The following LRRN3 variants were observed in gnomAD, a reference collection of about 807,000 sequenced individuals.
LRRN3 encodes the protein leucine-rich repeat neuronal protein 3.
Under a neutral mutation model 40.1 loss-of-function variants are expected in LRRN3, and 15 were observed. That is an observed-to-expected ratio of 0.37 (90% CI 0.25 to 0.58). LRRN3 has a LOEUF of 0.58. LRRN3 is among the 20% of genes least tolerant of loss of function. The pLI is 0.72. For synonymous variants in LRRN3, 308 were observed against 297.2 expected (o/e 1.04, Z -0.37); for missense variants, 746 against 837.7 (o/e 0.89, Z 1.35).
chr7:111,109,343 G>A (rs1018229240), intron 2 of LRRN3, among the ~76,000 whole-genome samples: 3 of 151,498 alleles, frequency 2.0e-5, no homozygotes, highest in African/African-American at 7.3e-5. Context: ...TCATGCTTAC[G>A]AACTACAAAA....
intron 1 of LRRN3, among the ~76,000 whole-genome samples, chr7:111,097,718 A>G (rs214890): frequency 0.84 from 128,297 of 151,834 alleles, 54,649 homozygotes; most frequent in East Asian, 0.89. Context: ...TGGGGTCTAA[A>G]TTTAATTCTA....
chr7:111,095,672 G>C (rs766100699), intron 1 of LRRN3, among the ~76,000 whole-genome samples: 27 of 151,950 alleles, frequency 1.8e-4, no homozygotes, highest in Non-Finnish European at 3.2e-4. Flanking sequence ...CACCTACAGA[G>C]ACTCAGCTAT....
chr7:111,124,047 T>C lies in LRRN3; in HGVS notation c.1275T>C (p.Pro425=). The C allele has an allele frequency of 6.2e-7, 1 of 1,614,030 alleles. No homozygotes were observed. Residue 425 remains proline, a synonymous_variant, in exon 3 of 3, where the codon CCT becomes CCC. Coordinates refer to ENST00000308478, the MANE Select transcript of LRRN3 (RefSeq NM_001099658.2). The stretch of plus-strand genomic sequence containing the variant: ...AAATTTGTCTCCCTCTTATAGCTCC[T>C]GAGAGCTTTCCTTCTAATCTAAATG... ...MMEICLPLIA[P]ESFPSNLNVE... is the part of the protein sequence containing the mutation.
chr7:111,094,519 T>C (rs961571057), intron 1 of LRRN3, among the ~76,000 whole-genome samples: 23 of 152,184 alleles, frequency 1.5e-4, no homozygotes, highest in African/African-American at 4.1e-4. Context: ...TAGCTACTTA[T>C]GTATCACTCT....
chr7:111,122,219 T>TA (rs1800732650), intron 2 of LRRN3, among the ~76,000 whole-genome samples, 196 bp from the exon 3 acceptor site: 1 of 146,800 alleles, frequency 6.8e-6, no homozygotes, highest in African/African-American at 2.7e-5. Context: ...ACTTAAAGTA[T>TA]AATAAAAAAA....
At chr7:111,114,885 TCTC>T (rs1258481444) in intron 2 of LRRN3, among the ~76,000 whole-genome samples, 5 of 152,082 alleles carry the variant, frequency 3.3e-5, no homozygotes, top group Non-Finnish European at 7.4e-5. Flanking sequence ...GGTCACGAGG[TCTC>T]CTCCTAACTC....
intron 2 of LRRN3, among the ~76,000 whole-genome samples, chr7:111,120,574 T>G (rs1189085557): frequency 6.6e-6 from 1 of 152,118 alleles, no homozygotes; most frequent in Non-Finnish European, 1.5e-5. Flanking sequence ...TGTAATAAAA[T>G]TGTTTTTTCA....
chr7:111,098,267 T>C (rs1433030894), intron 1 of LRRN3, among the ~76,000 whole-genome samples: 1 of 151,842 alleles, frequency 6.6e-6, no homozygotes, highest in Non-Finnish European at 1.5e-5. Flanking sequence ...CACGTATTTT[T>C]TACACAAACA....
intron 1 of LRRN3, among the ~76,000 whole-genome samples, chr7:111,097,777 C>G (rs1239020831): frequency 6.6e-6 from 1 of 151,702 alleles, no homozygotes; most frequent in African/African-American, 2.4e-5. Context: ...TGAACATGTT[C>G]TACAAAAAGT....
intron 2 of LRRN3, among the ~76,000 whole-genome samples, chr7:111,103,817 C>T (rs1005585643): frequency 8.6e-5 from 13 of 151,588 alleles, no homozygotes; most frequent in South Asian, 4.1e-4. Flanking sequence ...ACCATTATCA[C>T]TCACCTTTCA....
chr7:111,108,700 CAT>C (rs1450480846), intron 2 of LRRN3, among the ~76,000 whole-genome samples: 3 of 152,132 alleles, frequency 2.0e-5, no homozygotes, highest in East Asian at 3.9e-4. Flanking sequence ...TTAAAAAAAA[CAT>C]ATTTATTTCT....
chr7:111,094,780 G>A (rs185939283), intron 1 of LRRN3, among the ~76,000 whole-genome samples: 2 of 152,184 alleles, frequency 1.3e-5, no homozygotes, highest in East Asian at 1.9e-4. Flanking sequence ...TATTTCTTTA[G>A]CCACAATGTG....
At chr7:111,108,841 A>T (rs2129582409) in intron 2 of LRRN3, among the ~76,000 whole-genome samples, 1 of 152,308 alleles carries the variant, frequency 6.6e-6, no homozygotes, top group African/African-American at 2.4e-5. Context: ...AATGTATAAT[A>T]AGATGGAAAT....
chr7:111,124,425 T>G lies in LRRN3; in HGVS notation c.1653T>G (p.Ser551Arg). ...WKASSKILKS[S>R]VKWTAFVKTE... ...CAAGTTCTAAAATTCTCAAATCTAG[T>G]GTTAAATGGACAGCCTTTGTCAAGA... Residue 551 changes from serine (S) to arginine (R), a missense_variant, in exon 3 of 3, where the codon AGT (serine) becomes AGG (arginine). Physicochemically the swap from Ser to Arg is moderately radical, Grantham distance 110. Coordinates refer to ENST00000308478, the MANE Select transcript of LRRN3 (RefSeq NM_001099658.2). The G allele has an allele frequency of 1.2e-6, 2 of 1,613,782 alleles. No individual in the cohort carries two copies. Among genetic ancestry groups the G allele is most frequent in the Non-Finnish European group, 1.7e-6 (2 of 1,179,920 alleles).
chr7:111,118,293 A>T (rs983850333), intron 2 of LRRN3, among the ~76,000 whole-genome samples: 5 of 152,128 alleles, frequency 3.3e-5, no homozygotes, highest in Admixed American at 3.3e-4. Context: ...AATGATGAAA[A>T]ACAGATAAAG....
intron 2 of LRRN3, among the ~76,000 whole-genome samples, chr7:111,117,019 A>G (rs1799958049): frequency 6.6e-6 from 1 of 152,156 alleles, no homozygotes; most frequent in South Asian, 2.1e-4. Context: ...TAATGATTAA[A>G]GTAACTCTCT....
intron 1 of LRRN3, among the ~76,000 whole-genome samples, chr7:111,099,134 C>T (rs1035596997): frequency 2.6e-5 from 4 of 151,614 alleles, no homozygotes; most frequent in South Asian, 4.1e-4. Context: ...ATTTTTCCAT[C>T]GAGTGGAAGT....
In LRRN3 at chr7:111,114,021, T is replaced by C. The variant is rs367631657; in HGVS notation, c.-358-8394T>C. On this transcript the variant is annotated intron_variant, in intron 2 of 2. Coordinates refer to ENST00000308478, the MANE Select transcript of LRRN3 (RefSeq NM_001099658.2). ...TTAAATCCCTCTAAATATCTATTGA[T>C]AGAAATAAAGAGTGGACAAAATGGG... Among the ~76,000 whole-genome samples, 18 of 152,232 alleles carry C rather than the reference T, an allele frequency of 1.2e-4. No individual in the cohort carries two copies. The East Asian group carries it at 2.5e-3, about 21-fold the overall frequency.
intron 2 of LRRN3, among the ~76,000 whole-genome samples, chr7:111,121,510 C>G (rs1445408161): frequency 6.6e-6 from 1 of 152,104 alleles, no homozygotes; most frequent in African/African-American, 2.4e-5. Flanking sequence ...CAGAGAAATG[C>G]AAATCAAAAC....
Sources: allele counts gnomAD v4.1 joint callset (sites outside exome capture counted in the v4.1 genomes callset), GRCh38; gene constraint gnomAD v4.1.1; transcripts MANE v1.5; gene names NCBI Gene and HGNC (gene_info 2026-07-23, HGNC 2026-07-21).